FANCC: variants seen among roughly 807,000 people sequenced by gnomAD.
FANCC encodes FA complementation group C, also known as Fanconi anemia group C protein.
FANCC carries 55 observed loss-of-function variants against 71.3 expected under a neutral mutation model. The observed-to-expected ratio is 0.77, with a 90% confidence interval of 0.62 to 0.97. FANCC has a LOEUF of 0.97. Among genes scored for constraint, FANCC ranks in the 50% least tolerant of loss-of-function variants. The probability of loss-of-function intolerance (pLI) is 0.00; values close to 1 mark genes in which losing one functional copy is unlikely to be tolerated. For missense variants in FANCC, 678 were observed against 670.9 expected (o/e 1.01, Z -0.12); for synonymous variants, 275 against 244.9 (o/e 1.12, Z -1.15).
intron 1 of FANCC, chr9:95,317,232 G>GCGCGACCCCAGCGCCGGCT (rs1340195970): frequency 1.3e-5 from 2 of 152,510 alleles, no homozygotes; most frequent in African/African-American, 4.8e-5. Context: ...GCTCCCTTCC[G>GCGCGACCCCAGCGCCGGCT]CGCGACCCCA....
chr9:95,293,433 A>C, intron 1 of FANCC: 2 of 1,573,284 alleles, frequency 1.3e-6, no homozygotes, highest in Non-Finnish European at 1.7e-6. Flanking sequence ...TCTTAAAGAG[A>C]GCCTACTTCT....
At chr9:95,139,851 T>A (rs995875436) in intron 7 of FANCC, among the ~76,000 whole-genome samples, 109 of 146,476 alleles carry the variant, frequency 7.4e-4, no homozygotes, top group African/African-American at 1.9e-3. Context: ...TATATATATA[T>A]AAATATATAT....
At chr9:95,274,878 G>A (rs1832946872) in intron 1 of FANCC, among the ~76,000 whole-genome samples, 1 of 152,148 alleles carries the variant, frequency 6.6e-6, no homozygotes, top group East Asian at 1.9e-4. Context: ...GAGGATATCT[G>A]CAGTCCCTAC....
At chr9:95,207,286 G>A (rs1828191067) in intron 4 of FANCC, among the ~76,000 whole-genome samples, 1 of 152,064 alleles carries the variant, frequency 6.6e-6, no homozygotes, top group South Asian at 2.1e-4. Context: ...AGAGCTATAA[G>A]AATTTTTTAA....
chr9:95,108,669 A>G (rs1257911147), intron 13 of FANCC, among the ~76,000 whole-genome samples: 1 of 152,246 alleles, frequency 6.6e-6, no homozygotes, highest in Non-Finnish European at 1.5e-5. Flanking sequence ...TTATAAAGAC[A>G]TATATGCTTA....
chr9:95,235,312 C>A, intron 4 of FANCC, among the ~76,000 whole-genome samples: 1 of 145,200 alleles, frequency 6.9e-6, no homozygotes, highest in Non-Finnish European at 1.5e-5. Context: ...GTGGGAAATG[C>A]ACCCAAAGGA....
chr9:95,207,003 A>ACCCCCAG (rs1412987208), intron 4 of FANCC, among the ~76,000 whole-genome samples: 2 of 151,950 alleles, frequency 1.3e-5, no homozygotes, highest in South Asian at 2.1e-4. Context: ...ACCCTGCTCC[A>ACCCCCAG]CCCCCAGCCC....
At chr9:95,265,594 A>C (rs1025934554) in intron 1 of FANCC, among the ~76,000 whole-genome samples, 1 of 152,156 alleles carries the variant, frequency 6.6e-6, no homozygotes, top group Non-Finnish European at 1.5e-5. Context: ...CACTTCACTT[A>C]CCTGACAGTA....
intron 1 of FANCC, among the ~76,000 whole-genome samples, chr9:95,278,497 C>T (rs1013267604): frequency 2.0e-5 from 3 of 152,156 alleles, no homozygotes; most frequent in Non-Finnish European, 2.9e-5. Context: ...TAGAACTCTC[C>T]ACCCAACAAC....
intron 10 of FANCC, among the ~76,000 whole-genome samples, chr9:95,123,097 T>C (rs1825318308): frequency 6.6e-6 from 1 of 151,730 alleles, no homozygotes; most frequent in Non-Finnish European, 1.5e-5. Context: ...AACCCAGCTG[T>C]TTGAGACCAG....
intron 1 of FANCC, among the ~76,000 whole-genome samples, chr9:95,299,930 T>C (rs895376747): frequency 2.0e-5 from 3 of 152,240 alleles, no homozygotes; most frequent in African/African-American, 7.2e-5. Context: ...CCTCAAAGTC[T>C]GTCCATTTCT....
chr9:95,309,575 C>T (rs1297599995), intron 1 of FANCC, among the ~76,000 whole-genome samples: 2 of 152,158 alleles, frequency 1.3e-5, no homozygotes, highest in Non-Finnish European at 2.9e-5. Flanking sequence ...AAGTGTCTTA[C>T]TAATCAATTA....
rs2071052136 is a variant in FANCC at position 95,100,939 on chromosome 9, C to A, written c.*768G>T. ...GCCACTGCACCCAGCCAGGCCAATT[C>A]TTTATCAGGAATTTCCAATTCCCAT... On this transcript the variant is annotated 3_prime_UTR_variant, in exon 15 of 15. Coordinates refer to ENST00000289081, the MANE Select transcript of FANCC (RefSeq NM_000136.3). 1 of 233,112 alleles carries A rather than the reference C, an allele frequency of 4.3e-6. No individual in the cohort carries two copies. The highest frequency in any genetic ancestry group is 5.6e-5 in the Admixed American group (1 of 17,784). The allele number at this position is 233,112 out of a possible 1,614,324, so 14.4% of individuals were successfully genotyped here. A position where few individuals can be genotyped will look rare whatever the true frequency, so the allele number is the denominator to read the frequency against.
intron 4 of FANCC, among the ~76,000 whole-genome samples, chr9:95,183,034 C>G (rs1826474940): frequency 6.6e-6 from 1 of 152,166 alleles, no homozygotes; most frequent in African/African-American, 2.4e-5. Context: ...TCTCTTTCAT[C>G]CCTGTGACTT....
intron 1 of FANCC, among the ~76,000 whole-genome samples, chr9:95,295,021 A>G (rs1337387274): frequency 4.6e-5 from 7 of 152,258 alleles, no homozygotes; most frequent in Admixed American, 2.6e-4. Context: ...ATCTAAAAAA[A>G]AAGAAAAATC....
In FANCC at chr9:95,099,455, G is replaced by A. The variant is rs1309758375; in HGVS notation, c.*2252C>T. The stretch of plus-strand genomic sequence containing the variant: ...ACGCCGCGTCCCCGCCCAGCATCTC[G>A]GATGCCATTCCTTCCCGGTGGCACC... On this transcript the variant is annotated 3_prime_UTR_variant, in exon 15 of 15. Transcript: ENST00000289081. 3 of 226,276 alleles carry A rather than the reference G, an allele frequency of 1.3e-5. No homozygotes were observed. The highest frequency in any genetic ancestry group is 2.3e-5 in the African/African-American group (1 of 44,088). 14.0% of individuals were successfully genotyped at this position (226,276 alleles called of 1,614,324 possible).
At chr9:95,210,797 C>A (rs2135871853) in intron 4 of FANCC, among the ~76,000 whole-genome samples, 1 of 152,182 alleles carries the variant, frequency 6.6e-6, no homozygotes, top group Non-Finnish European at 1.5e-5. Context: ...TTCAACTTAA[C>A]AATCTTAACA....
At chr9:95,298,024 C>T (rs1180467373) in intron 1 of FANCC, among the ~76,000 whole-genome samples, 1 of 152,096 alleles carries the variant, frequency 6.6e-6, no homozygotes, top group African/African-American at 2.4e-5. Context: ...GTGATATACT[C>T]AGATTTCTGT....
At chr9:95,214,476 G>C (rs1454140888) in intron 4 of FANCC, among the ~76,000 whole-genome samples, 1 of 152,056 alleles carries the variant, frequency 6.6e-6, no homozygotes, top group African/African-American at 2.4e-5. Flanking sequence ...AGAATTACCA[G>C]ATGATCCAGC....
Sources: gnomAD v4.1 joint callset for allele counts (sites outside exome capture counted in the v4.1 genomes callset) on GRCh38, gnomAD v4.1.1 for gene constraint, MANE v1.5 for transcripts, NCBI Gene and HGNC (gene_info 2026-07-23, HGNC 2026-07-21) for gene names.